The following IFT81 variants were observed in gnomAD, a reference collection of about 807,000 sequenced individuals.
IFT81 encodes intraflagellar transport 81.
A neutral mutation model predicts 102.6 loss-of-function variants in IFT81; 72 were observed. The ratio of observed to expected loss-of-function variants is 0.70; its 90% CI spans 0.58 to 0.85. IFT81 has a LOEUF of 0.85. IFT81 is among the 40% of genes least tolerant of loss of function. The probability of loss-of-function intolerance (pLI) is 0.00; values close to 1 mark genes in which losing one functional copy is unlikely to be tolerated. For missense variants in IFT81, 723 were observed against 787.3 expected (o/e 0.92, Z 0.98); for synonymous variants, 237 against 242.7 (o/e 0.98, Z 0.22).
intron 4 of IFT81, 65 bp downstream of exon 4, chr12:110,129,195 A>T: frequency 8.3e-7 from 1 of 1,206,614 alleles, no homozygotes; most frequent in Non-Finnish European, 1.2e-6. Context: ...ATTCAAATAC[A>T]TGTTACTCTT....
chr12:110,148,837 T>C (rs78109508), intron 10 of IFT81, among the ~76,000 whole-genome samples: 3,206 of 152,326 alleles, frequency 0.021, 138 homozygotes, highest in African/African-American at 0.073. Flanking sequence ...TTATAGTTCA[T>C]ATAGGATAGG....
At chr12:110,136,270 A>G (rs146801721) in intron 7 of IFT81, among the ~76,000 whole-genome samples, 101 of 152,382 alleles carry the variant, frequency 6.6e-4, no homozygotes, top group African/African-American at 2.3e-3. Context: ...GAGTAGACTT[A>G]TACATTAAAA....
intron 10 of IFT81, among the ~76,000 whole-genome samples, chr12:110,155,194 T>C (rs1274556607): frequency 6.6e-6 from 1 of 152,190 alleles, no homozygotes; most frequent in African/African-American, 2.4e-5. Context: ...CACTCTGTTG[T>C]CTTTTGTTTA....
chr12:110,145,241 C>T (rs1327472859), intron 9 of IFT81, among the ~76,000 whole-genome samples: 1 of 151,506 alleles, frequency 6.6e-6, no homozygotes, highest in Non-Finnish European at 1.5e-5. Context: ...CCATGTTGCC[C>T]AGCATGGTCT....
At position 110,199,289 on chromosome 12, in the gene IFT81, G is replaced by T. The variant is rs558831366; in HGVS notation, c.1558-4575G>T. Among the ~76,000 whole-genome samples, 4 of 152,096 alleles carry T rather than the reference G, an allele frequency of 2.6e-5. No individual in the cohort carries two copies. In the East Asian group the frequency reaches 7.7e-4, roughly 29 times the overall value. On this transcript the variant is annotated intron_variant, in intron 14 of 18. Coordinates refer to ENST00000242591, the MANE Select transcript of IFT81 (RefSeq NM_014055.4). ...TTCCCTTACATGTTTTATACTTTGG[G>T]ACTGTGAGCTTTCATTAACAGAGCT...
chr12:110,172,414 C>T (rs1896783787), intron 11 of IFT81, among the ~76,000 whole-genome samples: 1 of 151,878 alleles, frequency 6.6e-6, no homozygotes, highest in Non-Finnish European at 1.5e-5. Flanking sequence ...CCCTCTCTTT[C>T]CACGGTCTCC....
At chr12:110,162,879 T>C (rs374943542) in intron 10 of IFT81, 40 bp from the exon 11 acceptor site, 136 of 1,484,508 alleles carry the variant, frequency 9.2e-5, no homozygotes, top group Admixed American at 6.4e-4. Context: ...GAAAGTTGAT[T>C]GTATATCTTA....
intron 10 of IFT81, among the ~76,000 whole-genome samples, chr12:110,156,536 G>A (rs1030007630): frequency 6.6e-5 from 10 of 150,518 alleles, no homozygotes; most frequent in East Asian, 3.9e-4. Context: ...TCACTTCATC[G>A]CCCAGGATGG....
chr12:110,140,912 A>G (rs1490855022), intron 8 of IFT81, among the ~76,000 whole-genome samples: 7 of 151,660 alleles, frequency 4.6e-5, no homozygotes, highest in Non-Finnish European at 1.0e-4. Context: ...TTTTTAGTAG[A>G]GACGGGGTTT....
chr12:110,164,981 T>C (rs1286331133), intron 11 of IFT81, among the ~76,000 whole-genome samples: 2 of 152,156 alleles, frequency 1.3e-5, no homozygotes, highest in Non-Finnish European at 2.9e-5. Flanking sequence ...TACAATTCAG[T>C]GTTAGATGTT....
intron 11 of IFT81, among the ~76,000 whole-genome samples, chr12:110,172,677 G>A (rs1421564684): frequency 6.6e-6 from 1 of 152,180 alleles, no homozygotes; most frequent in Non-Finnish European, 1.5e-5. Flanking sequence ...ATGGTGTCTG[G>A]TTCACTCAGT....
intron 10 of IFT81, among the ~76,000 whole-genome samples, chr12:110,150,172 T>A (rs987706731): frequency 6.6e-6 from 1 of 152,034 alleles, no homozygotes; most frequent in Non-Finnish European, 1.5e-5. Flanking sequence ...AATGGCATGA[T>A]CTTGGCTCAC....
At chr12:110,140,018 A>G (rs1459735310) in intron 8 of IFT81, among the ~76,000 whole-genome samples, 1 of 151,892 alleles carries the variant, frequency 6.6e-6, no homozygotes, top group Admixed American at 6.6e-5. Context: ...GTGAGCTATG[A>G]TTGTGCCACT....
In IFT81 at chr12:110,129,085, A is replaced by T; in HGVS notation, c.384A>T (p.Pro128=). ...LARFLIKLEV[P]SEFLQDETVA... ...GTTTTTTAATAAAACTTGAGGTACC[A>T]AGTGAGTTTCTTCAGGATGAAACTG... Residue 128 remains proline (P), a synonymous_variant, in exon 4 of 19, where the codon CCA becomes CCT. Coordinates refer to ENST00000242591, the MANE Select transcript of IFT81 (RefSeq NM_014055.4). The T allele has an allele frequency of 6.2e-7, 1 of 1,605,554 alleles. No homozygotes were observed. The highest frequency in any genetic ancestry group is 8.5e-7 in the Non-Finnish European group (1 of 1,177,722).
intron 15 of IFT81, chr12:110,205,224 ACT>A: frequency 2.8e-6 from 1 of 360,524 alleles, no homozygotes; most frequent in Non-Finnish European, 4.9e-6. Context: ...ACAGAGTGAG[ACT>A]CTGTCTCAAA....
rs537756271 is a variant in IFT81, at chr12:110,191,937, G to A, written c.1468-680G>A. ...TGTAATCCCAGCACTTTGGGAGGCC[G>A]AGGCGGGAGGATCACTTGAGGTCAG... On this transcript the variant is annotated intron_variant, in intron 13 of 18. Coordinates refer to ENST00000242591, the MANE Select transcript of IFT81 (RefSeq NM_014055.4). 2.6e-5 allele frequency among the ~76,000 whole-genome samples: 4 copies of A among 152,116 alleles called. No individual in the cohort carries two copies. In the East Asian group the frequency reaches 5.8e-4, roughly 22 times the overall value.
chr12:110,217,108 G>A (rs1005463129), intron 18 of IFT81, among the ~76,000 whole-genome samples: 7 of 152,176 alleles, frequency 4.6e-5, no homozygotes, highest in Admixed American at 3.3e-4. Flanking sequence ...ATAGTGGCAC[G>A]ACTGCAGCTC....
In IFT81 at chr12:110,127,627, T is replaced by A. The variant is rs535673183; in HGVS notation, c.144+103T>A. The A allele has an allele frequency of 4.6e-5, 48 of 1,039,236 alleles. No individual in the cohort carries two copies. The African/African-American group carries it at 7.8e-4, about 17-fold the overall frequency. 64.4% of individuals were successfully genotyped at this position (1,039,236 alleles called of 1,614,324 possible). A position where few individuals can be genotyped will look rare whatever the true frequency, so the allele number is the denominator to read the frequency against. The stretch of plus-strand genomic sequence containing the variant: ...ATTATTTAACCTCTCTGAGCTTTAT[T>A]TTCCATGTCTGTAAAGTAATAGTAA... On this transcript the variant is annotated intron_variant, in intron 2 of 18. Transcript: ENST00000242591.
intron 14 of IFT81, among the ~76,000 whole-genome samples, chr12:110,196,813 T>C (rs901091488): frequency 3.3e-5 from 5 of 152,246 alleles, no homozygotes; most frequent in Non-Finnish European, 7.3e-5. Flanking sequence ...TATTAAAGCA[T>C]ATATGCCAGC....
Sources: allele counts gnomAD v4.1 joint callset (sites outside exome capture counted in the v4.1 genomes callset), GRCh38; gene constraint gnomAD v4.1.1; transcripts MANE v1.5; gene names NCBI Gene and HGNC (gene_info 2026-07-23, HGNC 2026-07-21).